The following PRIM2 variants were observed in gnomAD, a reference collection of about 807,000 sequenced individuals.
The protein encoded by PRIM2 is DNA primase large subunit.
A neutral mutation model predicts 67.3 loss-of-function variants in PRIM2; 39 were observed. That is an observed-to-expected ratio of 0.58 (90% CI 0.45 to 0.76). The LOEUF is 0.76. Among genes scored for constraint, PRIM2 ranks in the 30% least tolerant of loss-of-function variants. The pLI is 0.00. For synonymous variants in PRIM2, 143 were observed against 198.7 expected (o/e 0.72, Z 2.36); for missense variants, 398 against 598.7 (o/e 0.66, Z 3.50).
the PRIM2 span, among the ~76,000 whole-genome samples, chr6:57,288,334 C>T: frequency 6.6e-6 from 1 of 152,208 alleles, no homozygotes; most frequent in Non-Finnish European, 1.5e-5. Flanking sequence ...GCAAGGCCTA[C>T]TGCCTCTCTA....
intron 7 of PRIM2, among the ~76,000 whole-genome samples, chr6:57,397,967 CT>C (rs369522862): frequency 0.051 from 5,189 of 102,152 alleles, 346 homozygotes; most frequent in African/African-American, 0.18. Flanking sequence ...TTCTTTCTTT[CT>C]TTTTTTTTTT....
intron 5 of PRIM2, among the ~76,000 whole-genome samples, chr6:57,335,150 C>T (rs561371799): frequency 9.2e-5 from 14 of 152,288 alleles, no homozygotes; most frequent in South Asian, 6.2e-4. Context: ...TGTGCTTTTC[C>T]GACAGGCTTA....
upstream of PRIM2, among the ~76,000 whole-genome samples, chr6:57,317,201 T>G (rs901191508): frequency 1.3e-5 from 2 of 152,194 alleles, no homozygotes; most frequent in African/African-American, 4.8e-5. Context: ...GTGAGCTAGG[T>G]GCAAAAAAGA....
chr6:57,539,777 T>A (rs1318140230), intron 10 of PRIM2, among the ~76,000 whole-genome samples: 3 of 151,944 alleles, frequency 2.0e-5, no homozygotes, highest in African/African-American at 7.3e-5. Context: ...GTGGGTCGCC[T>A]GAGGTCAGGA....
chr6:57,392,421 A>T (rs528209641), intron 7 of PRIM2, among the ~76,000 whole-genome samples: 1 of 152,078 alleles, frequency 6.6e-6, no homozygotes, highest in Non-Finnish European at 1.5e-5. Flanking sequence ...CCTTATTCTT[A>T]GCATTTACAT....
chr6:57,505,501 TA>T (rs1774231379), intron 7 of PRIM2, among the ~76,000 whole-genome samples: 2 of 152,200 alleles, frequency 1.3e-5, no homozygotes. Flanking sequence ...TAATGCCACC[TA>T]AAAGGAAAAT....
At chr6:57,379,412 C>T in intron 5 of PRIM2, among the ~76,000 whole-genome samples, 1 of 150,572 alleles carries the variant, frequency 6.6e-6, no homozygotes. Flanking sequence ...AAGCCATAAT[C>T]AGTCTGAGAT....
At chr6:57,374,303 A>ATTTATTTATTTATTTTT (rs1554331462) in intron 5 of PRIM2, among the ~76,000 whole-genome samples, 2 of 139,880 alleles carry the variant, frequency 1.4e-5, no homozygotes, top group Non-Finnish European at 3.1e-5. Context: ...TTATTTATTT[A>ATTTATTTATTTATTTTT]TTTTTTTTGA....
Position 57,418,398 on chromosome 6 carries a change from T to G in PRIM2, c.693+36230T>G, listed in dbSNP as rs1395752522. Among the ~76,000 whole-genome samples, 80 of 122,962 alleles carry G rather than the reference T, an allele frequency of 6.5e-4. 3 individuals carry two copies. The highest frequency in any genetic ancestry group is 9.0e-4 in the Non-Finnish European group (53 of 58,722). The allele number at this position is 122,962 out of a possible 152,430, so 80.7% of individuals were successfully genotyped here. On this transcript the variant is annotated intron_variant, in intron 7 of 13. Transcript: ENST00000615550. ...TATGTGTGTGGTTTTTTTTTTTTTTTTTTTTTTTTTTTTTTTTTTAACAGA... is the reference window on the plus strand; with the variant it reads ...TATGTGTGTGGTTTTTTTTTTTTTTGTTTTTTTTTTTTTTTTTTTAACAGA...
chr6:57,536,579 C>G (rs1445252589), intron 9 of PRIM2, among the ~76,000 whole-genome samples: 1,595 of 152,296 alleles, frequency 0.01, 37 homozygotes, highest in South Asian at 0.076. Context: ...ATAGCCCAAA[C>G]TGGAAACAAC....
chr6:57,342,424 A>G (rs866072735), intron 5 of PRIM2, among the ~76,000 whole-genome samples: 2 of 145,558 alleles, frequency 1.4e-5, no homozygotes, highest in South Asian at 4.6e-4. Flanking sequence ...AGATTCTATT[A>G]ATGTTTCTTC....
At chr6:57,276,051 A>G in the PRIM2 span, among the ~76,000 whole-genome samples, 1 of 152,216 alleles carries the variant, frequency 6.6e-6, no homozygotes, top group African/African-American at 2.4e-5. Context: ...GAAAGAAAAT[A>G]AGCAAGTAGC....
chr6:57,343,705 G>A (rs9464442), intron 5 of PRIM2, among the ~76,000 whole-genome samples: 4 of 152,128 alleles, frequency 2.6e-5, no homozygotes, highest in Admixed American at 2.6e-4. Context: ...TGGAAATTAC[G>A]TAAAAGGAAT....
At chr6:57,299,043 T>C in the PRIM2 span, among the ~76,000 whole-genome samples, 1 of 152,016 alleles carries the variant, frequency 6.6e-6, no homozygotes, top group African/African-American at 2.4e-5. Context: ...ATTCTCTCTG[T>C]GCCTGAATTT....
At chr6:57,321,106 C>T (rs1271120644) in intron 3 of PRIM2, among the ~76,000 whole-genome samples, 2 of 151,872 alleles carry the variant, frequency 1.3e-5, no homozygotes, top group African/African-American at 4.8e-5. Context: ...GTTAGAAGCC[C>T]GGAAATGATG....
intron 7 of PRIM2, 68 bp downstream of exon 7, chr6:57,382,236 T>A: frequency 6.7e-7 from 1 of 1,500,740 alleles, no homozygotes; most frequent in Non-Finnish European, 9.1e-7. Flanking sequence ...CTGGTAGTTT[T>A]ATTCTGTGTT....
intron 7 of PRIM2, among the ~76,000 whole-genome samples, chr6:57,440,350 T>C (rs1772163945): frequency 6.6e-6 from 1 of 152,218 alleles, no homozygotes; most frequent in East Asian, 1.9e-4. Context: ...AGTGTTATAG[T>C]GTGATCATAG....
In PRIM2 at chr6:57,526,893, A is replaced by G. The variant is rs1774766823; in HGVS notation, c.762-5518A>G. Among the ~76,000 whole-genome samples the G allele has an allele frequency of 3.3e-5, 5 of 152,126 alleles. 1 individual carries two copies. In the South Asian group the frequency reaches 8.3e-4, roughly 25 times the overall value. On this transcript the variant is annotated intron_variant, in intron 8 of 13. Transcript: ENST00000615550. ...CCCTCATAAAATCGATCATTTTCAAATCATGAAAATAAGAATATATTTTGA... is the reference window on the plus strand; with the variant it reads ...CCCTCATAAAATCGATCATTTTCAAGTCATGAAAATAAGAATATATTTTGA...
chr6:57,531,716 C>T (rs1438552993), intron 8 of PRIM2, among the ~76,000 whole-genome samples: 3 of 152,074 alleles, frequency 2.0e-5, no homozygotes, highest in African/African-American at 7.2e-5. Context: ...GTTTGAGTTC[C>T]CACTGCACTG....
Sources: gnomAD v4.1 joint callset for allele counts (sites outside exome capture counted in the v4.1 genomes callset) on GRCh38, gnomAD v4.1.1 for gene constraint, MANE v1.5 for transcripts, NCBI Gene and HGNC (gene_info 2026-07-23, HGNC 2026-07-21) for gene names.